ITSN1: variants seen among roughly 807,000 people sequenced by gnomAD.
ITSN1 encodes intersectin-1.
Under a neutral mutation model 239.8 loss-of-function variants are expected in ITSN1, and 58 were observed. The observed-to-expected ratio is 0.24, with a 90% confidence interval of 0.20 to 0.30. The LOEUF is 0.30. ITSN1 is among the 10% of genes least tolerant of loss of function. The probability of loss-of-function intolerance (pLI) is 1.00; values close to 1 mark genes in which losing one functional copy is unlikely to be tolerated. For synonymous variants in ITSN1, 780 were observed against 770.8 expected (o/e 1.01, Z -0.20); for missense variants, 1,558 against 2,103.3 (o/e 0.74, Z 5.07).
chr21:33,874,033 T>TA (rs1430882922), intron 33 of ITSN1, among the ~76,000 whole-genome samples: 1 of 149,644 alleles, frequency 6.7e-6, no homozygotes, highest in Non-Finnish European at 1.5e-5. Context: ...GTGGTGGCTG[T>TA]AGTCCCAGCT....
At chr21:33,858,146 G>A (rs1461388295) in intron 30 of ITSN1, among the ~76,000 whole-genome samples, 1 of 152,190 alleles carries the variant, frequency 6.6e-6, no homozygotes, top group Non-Finnish European at 1.5e-5. Context: ...TAGCGGGCCT[G>A]CAAGTGCTGG....
chr21:33,813,754 T>TTTTG (rs1699884905), intron 21 of ITSN1, among the ~76,000 whole-genome samples, 159 bp from the exon 22 acceptor site: 1 of 150,000 alleles, frequency 6.7e-6, no homozygotes, highest in African/African-American at 2.5e-5. Context: ...TTTTTTCCTC[T>TTTTG]TTTATTTATT....
intron 1 of ITSN1, among the ~76,000 whole-genome samples, chr21:33,700,658 C>T (rs1327641929): frequency 1.3e-5 from 2 of 152,114 alleles, no homozygotes; most frequent in Non-Finnish European, 2.9e-5. Context: ...GTTGTGACTC[C>T]AGCAGCGCGG....
At chr21:33,695,151 G>T (rs1258076672) in intron 1 of ITSN1, among the ~76,000 whole-genome samples, 3 of 152,106 alleles carry the variant, frequency 2.0e-5, no homozygotes, top group African/African-American at 2.4e-5. Context: ...CCTATGATAC[G>T]CTTTCCAAAG....
chr21:33,876,229 TTCCTTCTC>T, intron 34 of ITSN1, among the ~76,000 whole-genome samples: 1 of 35,458 alleles, frequency 2.8e-5, no homozygotes. Context: ...TTCTCTTTCT[TTCCTTCTC>T]TCTCTCTTTC....
At chr21:33,780,126 C>G (rs1157785297) in intron 14 of ITSN1, among the ~76,000 whole-genome samples, 1 of 152,150 alleles carries the variant, frequency 6.6e-6, no homozygotes, top group Non-Finnish European at 1.5e-5. Context: ...CTTTATGTGT[C>G]TTTTGTTAAC....
intron 20 of ITSN1, among the ~76,000 whole-genome samples, chr21:33,804,002 A>G (rs1356298242): frequency 6.6e-6 from 1 of 152,202 alleles, no homozygotes; most frequent in Non-Finnish European, 1.5e-5. Flanking sequence ...TTGACATCTA[A>G]TAGCAACAGG....
At chr21:33,673,679 C>T (rs1380230469) in intron 1 of ITSN1, among the ~76,000 whole-genome samples, 1 of 151,144 alleles carries the variant, frequency 6.6e-6, no homozygotes, top group East Asian at 1.9e-4. Context: ...GCTGTTTGTC[C>T]TCAGCTCATT....
chr21:33,878,839 A>G (rs956550128), intron 34 of ITSN1, among the ~76,000 whole-genome samples: 1 of 152,210 alleles, frequency 6.6e-6, no homozygotes. Context: ...AAACCCTGGG[A>G]CATAAAAACA....
intron 34 of ITSN1, among the ~76,000 whole-genome samples, chr21:33,878,010 G>GTGTGTA (rs1394129046): frequency 5.6e-5 from 1 of 17,746 alleles, no homozygotes; most frequent in Non-Finnish European, 1.0e-4. Context: ...CTCTCTCTTT[G>GTGTGTA]TGTGTGTGTG....
At chr21:33,818,575 T>C (rs2073441419) in intron 23 of ITSN1, 103 bp downstream of exon 23, 2 of 1,034,490 alleles carry the variant, frequency 1.9e-6, no homozygotes. Context: ...CGGGATTAGT[T>C]TGTCTTCTAG....
intron 33 of ITSN1, among the ~76,000 whole-genome samples, chr21:33,871,466 G>A (rs779523434): frequency 3.3e-5 from 5 of 151,450 alleles, no homozygotes; most frequent in Non-Finnish European, 5.9e-5. Flanking sequence ...CAAAAAGGCC[G>A]GATGTGGTGG....
At position 33,774,743 on chromosome 21, in the gene ITSN1, A is replaced by T. The variant is rs1602154377; in HGVS notation, c.1320A>T (p.Glu440Asp). The T allele has an allele frequency of 1.2e-6, 2 of 1,612,734 alleles. No homozygotes were observed. Among genetic ancestry groups the T allele is most frequent in the East Asian group, 2.2e-5 (1 of 44,858 alleles). ...AAATGTCACAGGCTGCAAAACGGGAACTTGAAAGGCAACGACAACTTGAGT... is the reference window on the plus strand; with the variant it reads ...AAATGTCACAGGCTGCAAAACGGGATCTTGAAAGGCAACGACAACTTGAGT... ...EIERREAAKR[E>D]LERQRQLEWE... Residue 440 changes from glutamate (E) to aspartate (D), a missense_variant, in exon 13 of 40, where the codon GAA becomes GAT. Coordinates refer to ENST00000381318, the MANE Select transcript of ITSN1 (RefSeq NM_003024.3).
intron 1 of ITSN1, among the ~76,000 whole-genome samples, chr21:33,697,086 C>CTT (rs879424954): frequency 3.6e-5 from 5 of 139,162 alleles, no homozygotes; most frequent in Admixed American, 7.3e-5. Context: ...TAGATTGTCT[C>CTT]TTTTTTTTTT....
intron 8 of ITSN1, among the ~76,000 whole-genome samples, chr21:33,759,534 G>A (rs1241327820): frequency 1.3e-5 from 2 of 152,080 alleles, no homozygotes; most frequent in African/African-American, 4.8e-5. Flanking sequence ...CTAAAGTTTT[G>A]TTAATTCTAC....
chr21:33,779,924 C>T (rs113318774), intron 14 of ITSN1, among the ~76,000 whole-genome samples: 74 of 152,120 alleles, frequency 4.9e-4, no homozygotes, highest in African/African-American at 1.6e-3. Context: ...CTCTGCTTCC[C>T]GAGTTCGAGT....
chr21:33,801,248 G>A (rs976830521), intron 19 of ITSN1, among the ~76,000 whole-genome samples: 42 of 152,166 alleles, frequency 2.8e-4, no homozygotes, highest in African/African-American at 1.0e-3. Context: ...TGTCTTTGAA[G>A]TATAAAGGGT....
intron 20 of ITSN1, among the ~76,000 whole-genome samples, chr21:33,803,159 GTCTGGTAATA>G (rs369671069): frequency 1.1e-3 from 168 of 152,344 alleles, no homozygotes; most frequent in African/African-American, 3.9e-3. Context: ...AAGTTTAAAA[GTCTGGTAATA>G]TCCAGCTTTG....
chr21:33,736,367 T>C (rs1178125457), intron 5 of ITSN1, among the ~76,000 whole-genome samples: 1 of 152,246 alleles, frequency 6.6e-6, no homozygotes, highest in East Asian at 1.9e-4. Flanking sequence ...AGGTTTCCTA[T>C]TAAAAACAAT....
Sources: gnomAD v4.1 joint callset for allele counts (sites outside exome capture counted in the v4.1 genomes callset) on GRCh38, gnomAD v4.1.1 for gene constraint, MANE v1.5 for transcripts, NCBI Gene and HGNC (gene_info 2026-07-23, HGNC 2026-07-21) for gene names.